Variants in PIGB observed in about 807,000 individuals in gnomAD.
The protein encoded by PIGB is phosphatidylinositol glycan anchor biosynthesis class B.
PIGB carries 58 observed loss-of-function variants against 68.4 expected under a neutral mutation model. The observed-to-expected ratio is 0.85, with a 90% CI of 0.69 to 1.06. The LOEUF is 1.06. Ranked by LOEUF, PIGB falls within the 50% of genes least tolerant of loss-of-function variation. The pLI is 0.00. For synonymous variants in PIGB, 219 were observed against 220.5 expected (o/e 0.99, Z 0.06); for missense variants, 634 against 655.8 (o/e 0.97, Z 0.36).
At chr15:55,324,036 T>C (rs151060924) in intron 3 of PIGB, among the ~76,000 whole-genome samples, 74,576 of 152,020 alleles carry the variant, frequency 0.49, 21,550 homozygotes, top group African/African-American at 0.79. Context: ...TACAGGTGTC[T>C]GCCACCACAC....
rs938288910 is a variant in PIGB, at chr15:55,337,804, A to C, written c.795-1463A>C. On this transcript the variant is annotated intron_variant, in intron 6 of 11. Coordinates refer to ENST00000164305, the MANE Select transcript of PIGB (RefSeq NM_004855.5). ...GTCCATCAATAGAAGGAATACATAC[A>C]GTGTGGTATACATAGTTACAATACA... Among the ~76,000 whole-genome samples, 9 of 152,344 alleles carry C rather than the reference A, an allele frequency of 5.9e-5. No homozygotes were observed. The Middle Eastern group carries it at 0.01, about 173-fold the overall frequency.
intron 5 of PIGB, among the ~76,000 whole-genome samples, 157 bp downstream of exon 5, chr15:55,330,011 C>T (rs1055402510): frequency 6.6e-6 from 1 of 152,078 alleles, no homozygotes; most frequent in Non-Finnish European, 1.5e-5. Context: ...ACAGATAATA[C>T]TCAAACAGGA....
chr15:55,348,366 G>C lies in PIGB; in HGVS notation c.1124-2333G>C, dbSNP rs1007765801. On this transcript the variant is annotated intron_variant, in intron 9 of 11. Coordinates refer to ENST00000164305, the MANE Select transcript of PIGB (RefSeq NM_004855.5). ...ATCTTCAAATAATTGAGAACAAACT[G>C]TATCTTCTCGGGCCTTGCTGTAGGA... is the stretch of plus-strand genomic sequence containing the variant. 9.8e-5 allele frequency: 15 copies of C among 152,364 alleles called. 1 individual carries two copies. Among genetic ancestry groups the C allele is most frequent in the Admixed American group, 7.2e-4 (11 of 15,294 alleles). 9.4% of individuals were successfully genotyped at this position (152,364 alleles called of 1,614,324 possible).
Position 55,320,366 on chromosome 15 carries a change from T to C in PIGB, c.255T>C (p.Asp85=). The C allele has an allele frequency of 6.2e-7, 1 of 1,613,632 alleles. No homozygotes were observed. The highest frequency in any genetic ancestry group is 8.5e-7 in the Non-Finnish European group (1 of 1,179,604). ...CFLVQTSFVP[D]EYWQSLEVSH... ...TAGTGCAGACAAGTTTTGTTCCAGATGAATACTGGCAGTCTCTTGAAGTTT... is the reference window on the plus strand; with the variant it reads ...TAGTGCAGACAAGTTTTGTTCCAGACGAATACTGGCAGTCTCTTGAAGTTT... The change falls in exon 2 of 12, where the codon GAT becomes GAC. Residue 85 remains aspartate (D), a synonymous_variant. Coordinates refer to ENST00000164305, the MANE Select transcript of PIGB (RefSeq NM_004855.5).
intron 5 of PIGB, among the ~76,000 whole-genome samples, chr15:55,331,630 T>C (rs1476780180): frequency 6.6e-6 from 1 of 152,066 alleles, no homozygotes; most frequent in Non-Finnish European, 1.5e-5. Context: ...GGAGAATCAC[T>C]TGAACCCAGG....
chr15:55,333,288 C>T (rs1364498440), intron 5 of PIGB, among the ~76,000 whole-genome samples: 1 of 152,080 alleles, frequency 6.6e-6, no homozygotes, highest in East Asian at 1.9e-4. Flanking sequence ...GCGTAAGTAA[C>T]CTGCAAAAGT....
intron 9 of PIGB, chr15:55,343,710 T>C (rs892542029): frequency 1.3e-5 from 2 of 152,152 alleles, no homozygotes; most frequent in African/African-American, 4.8e-5. Flanking sequence ...GAATCACCCC[T>C]TCTTCCATCC....
chr15:55,350,736 A>G lies in PIGB; in HGVS notation c.1161A>G (p.Pro387=), dbSNP rs1429689593. 6.2e-7 allele frequency: 1 copy of G among 1,613,646 alleles called. No individual in the cohort carries two copies. Among genetic ancestry groups the G allele is most frequent in the East Asian group, 2.2e-5 (1 of 44,814 alleles). ...CCCACCTGAAAACATGGAAGAAACC[A>G]GCTCTAAGTTTCCTGTTTTTATCAA... is the stretch of plus-strand genomic sequence containing the variant. ...SLTHLKTWKK[P]ALSFLFLSNL... The change falls in exon 10 of 12, where the codon CCA becomes CCG. Residue 387 remains proline (P), a synonymous_variant. Coordinates refer to ENST00000164305, the MANE Select transcript of PIGB (RefSeq NM_004855.5).
chr15:55,320,380 C>G lies in PIGB; in HGVS notation c.269C>G (p.Ser90Cys). Residue 90 changes from serine (S) to cysteine (C), a missense_variant, in exon 2 of 12, where the codon TCT becomes TGT. By Grantham distance (112) the Ser-to-Cys change is moderately radical (BLOSUM62 -1). Transcript: ENST00000164305. The part of the protein sequence containing the change: ...TSFVPDEYWQ[S>C]LEVSHHMVFN... ...TTTGTTCCAGATGAATACTGGCAGT[C>G]TCTTGAAGTTTCACATCACATGGTT... 2 of 1,613,528 alleles carry G rather than the reference C, an allele frequency of 1.2e-6. No individual in the cohort carries two copies. The highest frequency in any genetic ancestry group is 8.5e-7 in the Non-Finnish European group (1 of 1,179,636).
At chr15:55,348,784 C>T (rs1820550902) in intron 9 of PIGB, among the ~76,000 whole-genome samples, 1 of 152,106 alleles carries the variant, frequency 6.6e-6, no homozygotes, top group Non-Finnish European at 1.5e-5. Context: ...TCCAGTATAG[C>T]AGTACAAACA....
At chr15:55,326,859 A>T (rs576629547) in intron 3 of PIGB, among the ~76,000 whole-genome samples, 1 of 152,014 alleles carries the variant, frequency 6.6e-6, no homozygotes, top group East Asian at 1.9e-4. Flanking sequence ...TAAAACAGAA[A>T]CTTAACACAA....
In PIGB at chr15:55,339,338, G is replaced by A. The variant is rs141616876; in HGVS notation, c.846+20G>A. 19 of 1,443,754 alleles carry A rather than the reference G, an allele frequency of 1.3e-5. No homozygotes were observed. The East Asian group carries it at 4.4e-4, about 33-fold the overall frequency. The allele number at this position is 1,443,754 out of a possible 1,614,324, so 89.4% of individuals were successfully genotyped here. ...GGCCAAGTAAGTAAAAGTATATTAA[G>A]CTAACAGCTATTTTTATTTTTAATC... On this transcript the variant is annotated intron_variant, in intron 7 of 11. Transcript: ENST00000164305.
intron 9 of PIGB, 176 bp from the exon 10 acceptor site, chr15:55,350,523 C>A: frequency 1.7e-6 from 1 of 599,746 alleles, no homozygotes. Context: ...AAAGTCAAGA[C>A]CTAGATGACA....
intron 3 of PIGB, among the ~76,000 whole-genome samples, chr15:55,325,998 A>T (rs990456867): frequency 2.0e-5 from 3 of 151,940 alleles, no homozygotes; most frequent in African/African-American, 7.3e-5. Flanking sequence ...GGAGTTCGAG[A>T]CCAGCCTGGG....
At chr15:55,344,578 G>A (rs370586446) in intron 9 of PIGB, among the ~76,000 whole-genome samples, 3 of 152,136 alleles carry the variant, frequency 2.0e-5, no homozygotes, top group East Asian at 1.9e-4. Flanking sequence ...TTCAGTCTAC[G>A]GTAACTTCTC....
At chr15:55,332,349 A>G (rs535051200) in intron 5 of PIGB, among the ~76,000 whole-genome samples, 128 of 151,312 alleles carry the variant, frequency 8.5e-4, no homozygotes, top group African/African-American at 2.8e-3. Context: ...ATCCTCATCA[A>G]CATTACAGAA....
chr15:55,343,935 T>A (rs571962638), intron 9 of PIGB, among the ~76,000 whole-genome samples: 134 of 152,314 alleles, frequency 8.8e-4, no homozygotes, highest in Non-Finnish European at 1.6e-3. Flanking sequence ...TGATGTCACC[T>A]AGACAGAAAT....
chr15:55,352,066 A>G (rs1404453055), intron 10 of PIGB, among the ~76,000 whole-genome samples: 6 of 150,188 alleles, frequency 4.0e-5, no homozygotes, highest in Admixed American at 2.7e-4. Flanking sequence ...CTCCTGCCTC[A>G]GCCTCCTGAG....
At position 55,327,647 on chromosome 15, in the gene PIGB, A is replaced by G. The variant is rs1393660806; in HGVS notation, c.522+12A>G. 6.7e-7 allele frequency: 1 copy of G among 1,483,178 alleles called. No homozygotes were observed. The highest frequency in any genetic ancestry group is 1.2e-5 in the South Asian group (1 of 86,744). The allele number at this position is 1,483,178 out of a possible 1,614,324, so 91.9% of individuals were successfully genotyped here. A position where few individuals can be genotyped will look rare whatever the true frequency, so the allele number is the denominator to read the frequency against. Reference sequence around the variant, plus strand: ...TGGCAAGATGGGTGGTAAGTCCTAAATACTTTAGAAGCTGTATGCCAGTTA... The same window carrying G: ...TGGCAAGATGGGTGGTAAGTCCTAAGTACTTTAGAAGCTGTATGCCAGTTA... On this transcript the variant is annotated intron_variant, in intron 4 of 11. Coordinates refer to ENST00000164305, the MANE Select transcript of PIGB (RefSeq NM_004855.5).
Sources: gnomAD v4.1 joint callset for allele counts (sites outside exome capture counted in the v4.1 genomes callset) on GRCh38, gnomAD v4.1.1 for gene constraint, MANE v1.5 for transcripts, NCBI Gene and HGNC (gene_info 2026-07-23, HGNC 2026-07-21) for gene names.